Variants in MYCBP2 observed in about 807,000 individuals in gnomAD.
MYCBP2 encodes the protein E3 ubiquitin-protein ligase MYCBP2.
Under a neutral mutation model 525.3 loss-of-function variants are expected in MYCBP2, and 120 were observed. The ratio of observed to expected loss-of-function variants is 0.23; its 90% CI spans 0.20 to 0.27. The LOEUF (loss-of-function observed/expected upper bound fraction) is 0.27. Ranked by LOEUF, MYCBP2 falls within the 10% of genes least tolerant of loss-of-function variation. The pLI is 1.00. For missense variants in MYCBP2, 4,149 were observed against 5,657.1 expected (o/e 0.73, Z 8.55); for synonymous variants, 1,894 against 1,955.8 (o/e 0.97, Z 0.83).
chr13:77,271,145 T>C (rs1314892271), intron 5 of MYCBP2, among the ~76,000 whole-genome samples: 2 of 152,328 alleles, frequency 1.3e-5, no homozygotes, highest in East Asian at 3.9e-4. Flanking sequence ...TTCATACACA[T>C]ACACATTCTA....
At chr13:77,296,384 C>A (rs542165961) in intron 2 of MYCBP2, among the ~76,000 whole-genome samples, 1 of 151,172 alleles carries the variant, frequency 6.6e-6, no homozygotes, top group Admixed American at 6.6e-5. Context: ...CAAAACAAGA[C>A]CCTGTTTCAA....
At position 77,205,379 on chromosome 13, in the gene MYCBP2, A is replaced by G. The variant is rs1264907471; in HGVS notation, c.3720T>C (p.His1240=). ...GGGCAGAATAACCCCAGCCTCCTCC[A>G]TGACCTAGAATATATAAATCATAAT... The part of the protein sequence containing the change: ...DYSVVNRFES[H]GGGWGYSAHS... The change falls in exon 26 of 83, where the codon CAT becomes CAC. Residue 1240 remains histidine (H), a synonymous_variant. Coordinates refer to ENST00000544440, the MANE Select transcript of MYCBP2 (RefSeq NM_015057.5). 3 of 1,612,594 alleles carry G rather than the reference A, an allele frequency of 1.9e-6. No homozygotes were observed. Among genetic ancestry groups the G allele is most frequent in the Admixed American group, 1.7e-5 (1 of 59,676 alleles).
chr13:77,060,186 C>T (rs944988276), intron 76 of MYCBP2, among the ~76,000 whole-genome samples: 9 of 151,960 alleles, frequency 5.9e-5, no homozygotes, highest in East Asian at 3.8e-4. Flanking sequence ...AGAAAAAGAA[C>T]GTGAAGATTT....
chr13:77,251,079 G>A (rs1268392872), intron 15 of MYCBP2, 72 bp downstream of exon 15: 8 of 1,413,914 alleles, frequency 5.7e-6, no homozygotes, highest in Non-Finnish European at 7.8e-6. Context: ...TAATAGTAGA[G>A]TATACTCCGG....
intron 70 of MYCBP2, 134 bp from the exon 71 acceptor site, chr13:77,067,998 G>A: frequency 1.3e-6 from 1 of 790,750 alleles, no homozygotes; most frequent in Non-Finnish European, 1.9e-6. Context: ...AGCAACCACA[G>A]CTCACTGCAG....
chr13:77,305,214 C>T (rs1202970020), intron 1 of MYCBP2, among the ~76,000 whole-genome samples: 2 of 152,010 alleles, frequency 1.3e-5, no homozygotes, highest in Non-Finnish European at 2.9e-5. Flanking sequence ...TTTCAAAATA[C>T]AAAAATTTCA....
chr13:77,165,236 T>C (rs778899947), intron 42 of MYCBP2, 37 bp downstream of exon 42: 1 of 1,514,690 alleles, frequency 6.6e-7, no homozygotes, highest in South Asian at 1.2e-5. Context: ...AGAAACACAA[T>C]CTTCCTTAAA....
chr13:77,189,771 A>G (rs2061116946), intron 29 of MYCBP2, among the ~76,000 whole-genome samples: 2 of 152,178 alleles, frequency 1.3e-5, no homozygotes, highest in Admixed American at 6.5e-5. Flanking sequence ...ATATTATATG[A>G]GCAAGTTATT....
chr13:77,228,488 T>C (rs1008913845), intron 18 of MYCBP2, among the ~76,000 whole-genome samples: 4 of 146,940 alleles, frequency 2.7e-5, no homozygotes, highest in Non-Finnish European at 5.9e-5. Flanking sequence ...GCCTAGGTGA[T>C]AGAGTGAGAC....
chr13:77,311,735 G>GA (rs1193035446), intron 1 of MYCBP2, among the ~76,000 whole-genome samples: 2 of 150,250 alleles, frequency 1.3e-5, no homozygotes, highest in Non-Finnish European at 3.0e-5. Context: ...GAAAAACAGA[G>GA]AAAAAAAATT....
In MYCBP2 at chr13:77,176,544, G is replaced by T; in HGVS notation, c.5425C>A (p.Pro1809Thr). 1 of 1,599,006 alleles carries T rather than the reference G, an allele frequency of 6.3e-7. No individual in the cohort carries two copies. Among genetic ancestry groups the T allele is most frequent in the Non-Finnish European group, 8.5e-7 (1 of 1,170,274 alleles). ...AGTCTGATCTCAGCTATATCACTGGGTGAGTCATCCGTTGTGTACGTTCCT... is the reference window on the plus strand; with the variant it reads ...AGTCTGATCTCAGCTATATCACTGGTTGAGTCATCCGTTGTGTACGTTCCT... ...VKGTYTTDDSPSDIAEIRLDK... is the reference protein window; with the variant it reads ...VKGTYTTDDSTSDIAEIRLDK... The change falls in exon 36 of 83, where the codon CCC becomes ACC. Residue 1809 changes from proline (P) to threonine (T), a missense_variant. Around this residue, in one of 21 missense-constraint regions of MYCBP2, gnomAD observed 109 missense variants for 118.9 expected, o/e 0.92. Transcript: ENST00000544440.
At chr13:77,060,120 T>C (rs893546112) in intron 76 of MYCBP2, among the ~76,000 whole-genome samples, 1 of 152,094 alleles carries the variant, frequency 6.6e-6, no homozygotes, top group African/African-American at 2.4e-5. Flanking sequence ...GGAATTTAAA[T>C]ATGTTTGAAA....
At chr13:77,084,307 C>T (rs2043835877) in intron 62 of MYCBP2, among the ~76,000 whole-genome samples, 1 of 152,108 alleles carries the variant, frequency 6.6e-6, no homozygotes, top group African/African-American at 2.4e-5. Context: ...ATCTTGCTAC[C>T]AATGTAAGCC....
intron 14 of MYCBP2, among the ~76,000 whole-genome samples, chr13:77,256,197 T>A (rs1339209590): frequency 6.6e-6 from 1 of 152,062 alleles, no homozygotes; most frequent in Non-Finnish European, 1.5e-5. Context: ...CAAGAACAGG[T>A]TAAATTACAG....
intron 4 of MYCBP2, among the ~76,000 whole-genome samples, chr13:77,275,659 A>G (rs1239807547): frequency 6.6e-6 from 1 of 152,092 alleles, no homozygotes; most frequent in Admixed American, 6.5e-5. Flanking sequence ...CCTGTCCCTA[A>G]AGATAAATAA....
chr13:77,112,806 T>G (rs2049056117), intron 55 of MYCBP2, among the ~76,000 whole-genome samples: 1 of 152,166 alleles, frequency 6.6e-6, no homozygotes, highest in Non-Finnish European at 1.5e-5. Context: ...TTATTAATAT[T>G]TCTTTCAACT....
chr13:77,097,267 A>G (rs1317207475), intron 56 of MYCBP2, 103 bp downstream of exon 56: 11 of 1,446,904 alleles, frequency 7.6e-6, no homozygotes. Flanking sequence ...AAGATACTAT[A>G]AATTCCCTAT....
intron 60 of MYCBP2, 56 bp downstream of exon 60, chr13:77,090,049 AT>A (rs1416870339): frequency 9.9e-6 from 14 of 1,408,324 alleles, no homozygotes; most frequent in South Asian, 1.8e-5. Context: ...AAATAAAACA[AT>A]TTTTTTATTT....
intron 4 of MYCBP2, among the ~76,000 whole-genome samples, chr13:77,274,287 A>G (rs886335346): frequency 6.6e-5 from 10 of 152,218 alleles, no homozygotes; most frequent in African/African-American, 2.4e-4. Context: ...TGAAACACAC[A>G]CACACACAAA....
Sources: gnomAD v4.1 joint callset for allele counts (sites outside exome capture counted in the v4.1 genomes callset) on GRCh38, gnomAD v4.1.1 for gene constraint, gnomAD v4.1.1 regional missense constraint, MANE v1.5 for transcripts, NCBI Gene and HGNC (gene_info 2026-07-23, HGNC 2026-07-21) for gene names.